DENND1B: variants seen among roughly 807,000 people sequenced by gnomAD.
The protein encoded by DENND1B is DENN domain-containing protein 1B.
In DENND1B, 59 loss-of-function variants were observed where a neutral mutation model predicts 90.1. The observed-to-expected ratio is 0.65, with a 90% CI of 0.53 to 0.81. The LOEUF is 0.81. Ranked by LOEUF, DENND1B falls within the 40% of genes least tolerant of loss-of-function variation. The pLI is 0.00. For synonymous variants in DENND1B, 337 were observed against 324.6 expected, an observed-to-expected ratio of 1.04 and a Z score of -0.41; for missense variants, 862 against 912.6, an observed-to-expected ratio of 0.94 and a Z score of 0.71.
chr1:197,777,466 G>C (rs1657326082), upstream of DENND1B, among the ~76,000 whole-genome samples: 1 of 152,134 alleles, frequency 6.6e-6, no homozygotes, highest in Non-Finnish European at 1.5e-5. Context: ...GAAATAAAAG[G>C]GATAGGAACA....
chr1:197,684,543 A>G (rs1418766421), intron 3 of DENND1B, among the ~76,000 whole-genome samples: 2 of 152,172 alleles, frequency 1.3e-5, no homozygotes, highest in Admixed American at 1.3e-4. Flanking sequence ...TGGTGTATAA[A>G]AAATAAAGGG....
In DENND1B at chr1:197,511,770, C is replaced by T; in HGVS notation, c.1773G>A (p.Leu591=). The T allele has an allele frequency of 6.2e-7, 1 of 1,610,446 alleles. No homozygotes were observed. Among genetic ancestry groups the T allele is most frequent in the South Asian group, 1.1e-5 (1 of 90,754 alleles). Residue 591 remains leucine (L), a synonymous_variant, in exon 22 of 23, where the codon TTG becomes TTA. Transcript: ENST00000620048. ...DQGKLAAAKS[L]DFFRSMDDID... is the part of the protein sequence containing the mutation. ...TGTCATCCATTGATCTAAAGAAATC[C>T]AAGCTCTTTGCAGCTGCCAGCTTCC... is the stretch of plus-strand genomic sequence containing the variant.
At chr1:197,620,195 TA>T (rs929273153) in intron 10 of DENND1B, among the ~76,000 whole-genome samples, 1 of 149,932 alleles carries the variant, frequency 6.7e-6, no homozygotes, top group Admixed American at 6.7e-5. Flanking sequence ...CTGTGAAACT[TA>T]AAAAAAAATG....
chr1:197,767,284 C>T (rs187842416), intron 2 of DENND1B, among the ~76,000 whole-genome samples: 26 of 151,810 alleles, frequency 1.7e-4, no homozygotes, highest in Admixed American at 1.2e-3. Context: ...ACAATAAGTG[C>T]TAAAATACCA....
In DENND1B at chr1:197,509,208, C is replaced by T. The variant is rs1402866407; in HGVS notation, c.*1252G>A. The T allele has an allele frequency of 6.6e-6, 1 of 151,684 alleles. No individual in the cohort carries two copies. 9.4% of individuals were successfully genotyped at this position (151,684 alleles called of 1,614,324 possible). A position where few individuals can be genotyped will look rare whatever the true frequency, so the allele number is the denominator to read the frequency against. On this transcript the variant is annotated 3_prime_UTR_variant, in exon 23 of 23. Coordinates refer to ENST00000620048, the MANE Select transcript of DENND1B (RefSeq NM_001195215.2). ...GTCTAATCATGAAAAAAATACCCAA[C>T]AAACTCCAAGAGAGGAGCATGCTAC...
At chr1:197,547,467 G>T (rs1318675718) in intron 16 of DENND1B, among the ~76,000 whole-genome samples, 1 of 152,042 alleles carries the variant, frequency 6.6e-6, no homozygotes, top group Non-Finnish European at 1.5e-5. Flanking sequence ...TCAACATCAG[G>T]CAAGAAGTGT....
In DENND1B at chr1:197,652,377, A is replaced by T. The variant is rs148614711; in HGVS notation, c.367-62T>A. The T allele has an allele frequency of 3.4e-3, 4,378 of 1,290,954 alleles. 26 individuals carry two copies. Among genetic ancestry groups the T allele is most frequent in the Non-Finnish European group, 3.1e-3 (2,877 of 925,456 alleles). The allele number at this position is 1,290,954 out of a possible 1,614,324, so 80.0% of individuals were successfully genotyped here. On this transcript the variant is annotated intron_variant, in intron 6 of 22. Coordinates refer to ENST00000620048, the MANE Select transcript of DENND1B (RefSeq NM_001195215.2). Reference sequence around the variant, plus strand: ...CATATACCAAGCAACTGCAATTAAAACTATTTGATAAAATAATCTACTATG... The same window carrying T: ...CATATACCAAGCAACTGCAATTAAATCTATTTGATAAAATAATCTACTATG...
chr1:197,691,466 T>C (rs1019007949), intron 3 of DENND1B, among the ~76,000 whole-genome samples: 3 of 151,940 alleles, frequency 2.0e-5, no homozygotes, highest in Non-Finnish European at 4.4e-5. Context: ...CAAACAAAGA[T>C]AAGTGTTGGA....
At position 197,539,934 on chromosome 1, in the gene DENND1B, G is replaced by A. The variant is rs777454006; in HGVS notation, c.1515+30C>T. 8 of 1,455,516 alleles carry A rather than the reference G, an allele frequency of 5.5e-6. No individual in the cohort carries two copies. In the Admixed American group the frequency reaches 1.4e-4, roughly 26 times the overall value. The allele number at this position is 1,455,516 out of a possible 1,614,324, so 90.2% of individuals were successfully genotyped here. On this transcript the variant is annotated intron_variant, in intron 20 of 22. Coordinates refer to ENST00000620048, the MANE Select transcript of DENND1B (RefSeq NM_001195215.2). ...TGGAATTATATAATTTGAGAATGTG[G>A]GGGAATGAAGGGTAAATAACCTTAC...
At chr1:197,676,762 TCTA>T (rs976523284) in intron 3 of DENND1B, among the ~76,000 whole-genome samples, 3 of 152,124 alleles carry the variant, frequency 2.0e-5, no homozygotes, top group African/African-American at 7.2e-5. Flanking sequence ...AAACAGCACT[TCTA>T]CTATCATGTT....
chr1:197,518,361 A>C (rs1325570403), intron 20 of DENND1B, among the ~76,000 whole-genome samples: 1 of 151,926 alleles, frequency 6.6e-6, no homozygotes, highest in Non-Finnish European at 1.5e-5. Flanking sequence ...GAATGGAACA[A>C]AGAGGTTGTT....
chr1:197,581,654 A>G (rs1441087937), intron 15 of DENND1B, among the ~76,000 whole-genome samples: 1 of 152,188 alleles, frequency 6.6e-6, no homozygotes, highest in African/African-American at 2.4e-5. Context: ...CCAACTATAC[A>G]TGACTCCTAA....
At chr1:197,698,953 T>C (rs1043454428) in intron 3 of DENND1B, among the ~76,000 whole-genome samples, 10 of 152,082 alleles carry the variant, frequency 6.6e-5, no homozygotes, top group Non-Finnish European at 1.2e-4. Context: ...CAGGACCAGA[T>C]GGATTCACAG....
rs143512171 is a variant in DENND1B, at chr1:197,534,948, A to G, written c.1515+5016T>C. Among the ~76,000 whole-genome samples the G allele has an allele frequency of 8.8e-3, 1,345 of 152,308 alleles. 20 individuals carry two copies. Among genetic ancestry groups the G allele is most frequent in the African/African-American group, 0.03 (1,251 of 41,566 alleles). On this transcript the variant is annotated intron_variant, in intron 20 of 22. Transcript: ENST00000620048. Reference sequence around the variant, plus strand: ...CTAGCATCAGCTTTCTGCCTCTTCCATAACATACTGTATCATATTTCACTT... The same window carrying G: ...CTAGCATCAGCTTTCTGCCTCTTCCGTAACATACTGTATCATATTTCACTT...
rs1482634603 is a variant in DENND1B at position 197,508,822 on chromosome 1, C to G, written c.*1638G>C. 5.3e-5 allele frequency: 8 copies of G among 151,790 alleles called. No individual in the cohort carries two copies. The highest frequency in any genetic ancestry group is 1.0e-4 in the Non-Finnish European group (7 of 67,792). The allele number at this position is 151,790 out of a possible 1,614,324, so 9.4% of individuals were successfully genotyped here. ...TTTTTCCCTGATTGTGCCTGGTAAT[C>G]TAGTCTATCATGAAGTAATTAGTAC... On this transcript the variant is annotated 3_prime_UTR_variant, in exon 23 of 23. Transcript: ENST00000620048.
intron 18 of DENND1B, among the ~76,000 whole-genome samples, chr1:197,541,759 G>A (rs1187528845): frequency 1.3e-5 from 2 of 152,124 alleles, no homozygotes; most frequent in African/African-American, 4.8e-5. Flanking sequence ...TGTGTGCTGG[G>A]TGCTTAGCAT....
intron 15 of DENND1B, among the ~76,000 whole-genome samples, chr1:197,577,166 A>G (rs927107713): frequency 2.6e-5 from 4 of 152,188 alleles, no homozygotes; most frequent in African/African-American, 4.8e-5. Flanking sequence ...TAAAAAAGAT[A>G]AATTACAATA....
chr1:197,721,733 G>A (rs1661200727), intron 2 of DENND1B, among the ~76,000 whole-genome samples: 1 of 151,716 alleles, frequency 6.6e-6, no homozygotes, highest in African/African-American at 2.4e-5. Context: ...TCTTCATAGG[G>A]CTAGAAACAA....
At chr1:197,673,071 T>G (rs1324592036) in intron 4 of DENND1B, among the ~76,000 whole-genome samples, 1 of 152,038 alleles carries the variant, frequency 6.6e-6, no homozygotes, top group African/African-American at 2.4e-5. Context: ...AACAGTTTTG[T>G]CAGGAAATGT....
Sources: allele counts gnomAD v4.1 joint callset (sites outside exome capture counted in the v4.1 genomes callset), GRCh38; gene constraint gnomAD v4.1.1; transcripts MANE v1.5; gene names NCBI Gene and HGNC (gene_info 2026-07-23, HGNC 2026-07-21).